Variants in COMMD9 observed in about 807,000 individuals in gnomAD.
COMMD9 encodes the protein COMM domain containing 9, also known as COMM domain-containing protein 9.
A neutral mutation model predicts 23.4 loss-of-function variants in COMMD9; 22 were observed. The ratio of observed to expected loss-of-function variants is 0.94; its 90% CI spans 0.67 to 1.34. COMMD9 has a LOEUF of 1.34. COMMD9 is among the 40% of genes most tolerant of loss of function. COMMD9 has a pLI of 0.00. For missense variants in COMMD9, 231 were observed against 240.2 expected, an observed-to-expected ratio of 0.96 and a Z score of 0.25; for synonymous variants, 99 against 97.4, an observed-to-expected ratio of 1.02 and a Z score of -0.10.
Position 36,274,708 on chromosome 11 carries a change from C to G in COMMD9, c.521G>C (p.Ser174Thr), listed in dbSNP as rs1427226603. ...TAACATGGTGTCCAGTGTTTCTTTG[C>G]TCAGCTCCACGGTGACAGCTGAGAT... is the stretch of plus-strand genomic sequence containing the variant. ...PSISAVTVEL[S>T]KETLDTMLDG... Residue 174 changes from serine (S) to threonine (T), a missense_variant, in exon 6 of 6, where the codon AGC becomes ACC. Physicochemically the swap from Ser to Thr is moderately conservative, Grantham distance 58 (BLOSUM62 1). Coordinates refer to ENST00000263401, the MANE Select transcript of COMMD9 (RefSeq NM_014186.4). 1 of 1,614,134 alleles carries G rather than the reference C, an allele frequency of 6.2e-7. No homozygotes were observed. The highest frequency in any genetic ancestry group is 1.7e-5 in the Admixed American group (1 of 60,006).
chr11:36,277,897 C>T (rs976627625), intron 3 of COMMD9, among the ~76,000 whole-genome samples: 1 of 152,176 alleles, frequency 6.6e-6, no homozygotes, highest in Non-Finnish European at 1.5e-5. Flanking sequence ...TATCCTACTA[C>T]TGTGGAAAAA....
rs763599039 is a variant in COMMD9 at position 36,277,103 on chromosome 11, G to T, written c.338C>A (p.Ala113Asp). ...LEHVSTWRTEAQANQISLPRL... is the reference protein window; with the variant it reads ...LEHVSTWRTEDQANQISLPRL... The stretch of plus-strand genomic sequence containing the variant: ...TTGGTACTCACTCTGATTTGCCTGG[G>T]CTTCGGTTCTCCAAGTAGACCTGTT... The change falls in exon 4 of 6, where the codon GCC (alanine) becomes GAC (aspartate). Residue 113 changes from alanine to aspartate, a missense_variant. Coordinates refer to ENST00000263401, the MANE Select transcript of COMMD9 (RefSeq NM_014186.4). 6.2e-7 allele frequency: 1 copy of T among 1,606,082 alleles called. No homozygotes were observed. The highest frequency in any genetic ancestry group is 8.5e-7 in the Non-Finnish European group (1 of 1,176,258).
intron 5 of COMMD9, 117 bp downstream of exon 5, chr11:36,276,020 A>C: frequency 1.5e-6 from 1 of 688,086 alleles, no homozygotes; most frequent in Non-Finnish European, 2.6e-6. Flanking sequence ...AGGAGGATAA[A>C]GGGGATGGTA....
chr11:36,283,191 A>G (rs1856095516), intron 1 of COMMD9, among the ~76,000 whole-genome samples: 1 of 152,054 alleles, frequency 6.6e-6, no homozygotes, highest in Admixed American at 6.6e-5. Context: ...ACCCTCACAC[A>G]CTCAGAAACA....
rs541004357 is a variant in COMMD9 at position 36,274,321 on chromosome 11, T to C, written c.*311A>G. On this transcript the variant is annotated 3_prime_UTR_variant, in exon 6 of 6. Transcript: ENST00000263401. Reference sequence around the variant, plus strand: ...TGGGCCTGAATTTCTCAAACAGCTATGCAGAGGCAGCTGACGATGCAAATG... The same window carrying C: ...TGGGCCTGAATTTCTCAAACAGCTACGCAGAGGCAGCTGACGATGCAAATG... 1.0e-5 allele frequency: 6 copies of C among 585,474 alleles called. No homozygotes were observed. The highest frequency in any genetic ancestry group is 4.6e-5 in the South Asian group (3 of 65,706). The allele number at this position is 585,474 out of a possible 1,614,324, so 36.3% of individuals were successfully genotyped here.
At chr11:36,281,758 C>A (rs1451165847) in intron 1 of COMMD9, among the ~76,000 whole-genome samples, 4 of 152,152 alleles carry the variant, frequency 2.6e-5, no homozygotes, top group Non-Finnish European at 5.9e-5. Context: ...CACTGAAAAT[C>A]ATTCATTAAA....
rs768529496 is a variant in COMMD9, at chr11:36,272,883, C to G, written c.*1749G>C. ...ACCATTTACCAGCAGATGACTCAAT[C>G]TCAATGAGCTGGTTTCCTGGTCAAT... On this transcript the variant is annotated 3_prime_UTR_variant, in exon 6 of 6. Coordinates refer to ENST00000263401, the MANE Select transcript of COMMD9 (RefSeq NM_014186.4). 16 of 152,176 alleles carry G rather than the reference C, an allele frequency of 1.1e-4. No individual in the cohort carries two copies. The highest frequency in any genetic ancestry group is 2.1e-4 in the Non-Finnish European group (14 of 68,034). The allele number at this position is 152,176 out of a possible 1,614,324, so 9.4% of individuals were successfully genotyped here.
intron 1 of COMMD9, among the ~76,000 whole-genome samples, chr11:36,282,247 T>C (rs1399106780): frequency 6.6e-6 from 1 of 152,062 alleles, no homozygotes. Context: ...AAAGAAATAA[T>C]AGCTCAAAAC....
intron 1 of COMMD9, among the ~76,000 whole-genome samples, chr11:36,285,392 C>A (rs1334292181): frequency 6.6e-6 from 1 of 151,718 alleles, no homozygotes; most frequent in Non-Finnish European, 1.5e-5. Flanking sequence ...GTCTCTAGAC[C>A]CAGATAGTTT....
chr11:36,284,425 C>G (rs1217303274), intron 1 of COMMD9, among the ~76,000 whole-genome samples: 2 of 152,166 alleles, frequency 1.3e-5, no homozygotes, highest in African/African-American at 4.8e-5. Context: ...GACCAAATGA[C>G]AAATACAGCT....
In COMMD9 at chr11:36,273,986, C is replaced by A; in HGVS notation, c.*646G>T. 3 of 198,960 alleles carry A rather than the reference C, an allele frequency of 1.5e-5. No homozygotes were observed. The highest frequency in any genetic ancestry group is 9.0e-5 in the South Asian group (1 of 11,136). The allele number at this position is 198,960 out of a possible 1,614,324, so 12.3% of individuals were successfully genotyped here. On this transcript the variant is annotated 3_prime_UTR_variant, in exon 6 of 6. Transcript: ENST00000263401. ...AAGTTTTAGAACTGTTGTTTAGTTC[C>A]AATTATTCCCACTTCTTCACCTAGG...
chr11:36,276,463 A>AG, intron 4 of COMMD9: 1 of 479,262 alleles, frequency 2.1e-6, no homozygotes, highest in Non-Finnish European at 3.7e-6. Flanking sequence ...GTGGCAGCGT[A>AG]TCCAGGCTTC....
rs976095218 is a variant in COMMD9, at chr11:36,272,573, G to C, written c.*2059C>G. On this transcript the variant is annotated 3_prime_UTR_variant, in exon 6 of 6. Coordinates refer to ENST00000263401, the MANE Select transcript of COMMD9 (RefSeq NM_014186.4). ...AGCTCAACTGGAGGGTATGACCAGG[G>C]GCTCTCAACTTGGAAGTAGCGGGCT... 3 of 152,236 alleles carry C rather than the reference G, an allele frequency of 2.0e-5. No individual in the cohort carries two copies. Among genetic ancestry groups the C allele is most frequent in the Non-Finnish European group, 4.4e-5 (3 of 68,056 alleles). The allele number at this position is 152,236 out of a possible 1,614,324, so 9.4% of individuals were successfully genotyped here.
intron 1 of COMMD9, among the ~76,000 whole-genome samples, chr11:36,284,510 C>G (rs923148988): frequency 5.9e-5 from 9 of 152,224 alleles, no homozygotes; most frequent in African/African-American, 2.2e-4. Flanking sequence ...AAGGAACTAA[C>G]AATACCATCA....
Position 36,280,784 on chromosome 11 carries a change from T to C in COMMD9, c.105A>G (p.Ser35=). The C allele has an allele frequency of 1.2e-6, 2 of 1,610,400 alleles. No individual in the cohort carries two copies. Among genetic ancestry groups the C allele is most frequent in the Non-Finnish European group, 1.7e-6 (2 of 1,177,514 alleles). ...RQLCQESFSS[S]ALGLKKLLDV... ...CCAAGAGTTTTTTCAAGCCAAGGGC[T>C]GAACTGGAAAAGCTTTCTTGACACA... is the stretch of plus-strand genomic sequence containing the variant. The change falls in exon 2 of 6, where the codon TCA becomes TCG. Residue 35 remains serine (S), a synonymous_variant. Coordinates refer to ENST00000263401, the MANE Select transcript of COMMD9 (RefSeq NM_014186.4).
intron 2 of COMMD9, among the ~76,000 whole-genome samples, chr11:36,279,239 G>T (rs1332725966): frequency 6.6e-6 from 1 of 152,200 alleles, no homozygotes; most frequent in Non-Finnish European, 1.5e-5. Context: ...AACAGCTCCT[G>T]GCCGGCTGTG....
intron 1 of COMMD9, among the ~76,000 whole-genome samples, chr11:36,284,229 GT>G (rs1324312956): frequency 1.3e-5 from 2 of 152,168 alleles, no homozygotes; most frequent in Admixed American, 1.3e-4. Context: ...TCAGAGGAAA[GT>G]AAGAGTGGCT....
At chr11:36,280,990 C>A (rs1035422304) in intron 1 of COMMD9, among the ~76,000 whole-genome samples, 153 bp from the exon 2 acceptor site, 3 of 152,182 alleles carry the variant, frequency 2.0e-5, no homozygotes, top group African/African-American at 7.2e-5. Context: ...AATAGATGTA[C>A]TTTTCCCTAA....
intron 4 of COMMD9, 113 bp downstream of exon 4, chr11:36,276,976 G>T: frequency 1.2e-6 from 1 of 832,214 alleles, no homozygotes; most frequent in Non-Finnish European, 1.8e-6. Context: ...AGTATGGGTT[G>T]AGACTAGAAT....
Sources: gnomAD v4.1 joint callset for allele counts (sites outside exome capture counted in the v4.1 genomes callset) on GRCh38, gnomAD v4.1.1 for gene constraint, MANE v1.5 for transcripts, NCBI Gene and HGNC (gene_info 2026-07-23, HGNC 2026-07-21) for gene names.